The following NYAP2 variants were observed in gnomAD, a reference collection of about 807,000 sequenced individuals.
NYAP2 encodes the protein neuronal tyrosine-phosphorylated phosphoinositide-3-kinase adapter 2.
A neutral mutation model predicts 50.4 loss-of-function variants in NYAP2; 23 were observed. The ratio of observed to expected loss-of-function variants is 0.46; its 90% CI spans 0.33 to 0.65. The LOEUF is 0.65. NYAP2 is among the 30% of genes least tolerant of loss of function. The pLI, the probability that NYAP2 is intolerant of heterozygous loss-of-function variation, is 0.02. For synonymous variants in NYAP2, 394 were observed against 365.2 expected (o/e 1.08, Z -0.90); for missense variants, 885 against 861.0 (o/e 1.03, Z -0.35).
exon 1 of NYAP2, chr2:225,399,810 T>C (rs577869700): frequency 1.3e-5 from 2 of 152,198 alleles, no homozygotes; most frequent in East Asian, 3.9e-4. Context: ...TTTAAGTTGT[T>C]GTTCATTTTC....
intron 6 of NYAP2, among the ~76,000 whole-genome samples, chr2:225,647,561 G>A (rs1008309563): frequency 1.3e-5 from 2 of 152,008 alleles, no homozygotes; most frequent in Non-Finnish European, 2.9e-5. Context: ...GTAAGTAGGC[G>A]AGAGAGGCTT....
At chr2:225,472,031 C>T (rs928420317) in intron 3 of NYAP2, among the ~76,000 whole-genome samples, 15 of 152,128 alleles carry the variant, frequency 9.9e-5, no homozygotes, top group South Asian at 4.1e-4. Context: ...TACCATCCTT[C>T]GAGGGAGATA....
intron 3 of NYAP2, among the ~76,000 whole-genome samples, chr2:225,428,689 A>G (rs537871622): frequency 6.6e-6 from 1 of 152,268 alleles, no homozygotes; most frequent in South Asian, 2.1e-4. Flanking sequence ...TTTGGAAGAG[A>G]TTTCTGTGTA....
intron 4 of NYAP2, among the ~76,000 whole-genome samples, chr2:225,516,589 A>T (rs953785163): frequency 1.3e-5 from 2 of 152,118 alleles, no homozygotes; most frequent in African/African-American, 2.4e-5. Flanking sequence ...GCAAAAGCAG[A>T]TATATGCAAA....
intron 6 of NYAP2, among the ~76,000 whole-genome samples, chr2:225,630,664 T>A (rs1300404425): frequency 1.3e-5 from 2 of 152,208 alleles, no homozygotes; most frequent in Non-Finnish European, 2.9e-5. Flanking sequence ...CAGTAGATGG[T>A]GTCTGCCATG....
intron 3 of NYAP2, among the ~76,000 whole-genome samples, chr2:225,493,573 T>C (rs1897229): frequency 0.54 from 82,502 of 152,042 alleles, 24,390 homozygotes; most frequent in African/African-American, 0.79. Flanking sequence ...GTGTCTCTAC[T>C]ACTACTGCCT....
chr2:225,537,205 A>G (rs1691367477), intron 4 of NYAP2, among the ~76,000 whole-genome samples: 1 of 152,104 alleles, frequency 6.6e-6, no homozygotes, highest in African/African-American at 2.4e-5. Flanking sequence ...TTTAGCTCCC[A>G]CAAATAAGTG....
chr2:225,566,747 G>A (rs894369453), intron 4 of NYAP2, among the ~76,000 whole-genome samples: 3 of 152,154 alleles, frequency 2.0e-5, no homozygotes, highest in African/African-American at 7.2e-5. Flanking sequence ...AGAGAAAAAA[G>A]AGTTATCAAC....
At chr2:225,525,829 A>T (rs2106193937) in intron 4 of NYAP2, among the ~76,000 whole-genome samples, 1 of 152,296 alleles carries the variant, frequency 6.6e-6, no homozygotes, top group East Asian at 1.9e-4. Context: ...TGGTAGGCAG[A>T]ATTCTAAGAC....
In NYAP2 at chr2:225,582,396, C is replaced by T; in HGVS notation, c.979C>T (p.Pro327Ser). The change falls in exon 5 of 7, where the codon CCC becomes TCC. Residue 327 changes from proline to serine, a missense_variant. By Grantham distance (74) the Pro-to-Ser change is moderately conservative. Coordinates refer to ENST00000636099, the Ensembl canonical transcript of NYAP2. This position sits in a 1 kb window ranked among gnomAD's most constrained non-coding sequence, Gnocchi z 7.0. ...GCTTTGCGACATCCCTCCGCCCTTC[C>T]CCAACCTGCTTTCTCACAGACCCCC... 6.2e-7 allele frequency: 1 copy of T among 1,607,952 alleles called. No individual in the cohort carries two copies. Among genetic ancestry groups the T allele is most frequent in the Non-Finnish European group, 8.5e-7 (1 of 1,175,552 alleles).
At chr2:225,651,316 G>A in intron 6 of NYAP2, 116 bp from the exon 7 acceptor site, 3 of 1,364,840 alleles carry the variant, frequency 2.2e-6, no homozygotes, top group Non-Finnish European at 3.1e-6. Flanking sequence ...GCAAACATCA[G>A]GAGCATTTTG....
chr2:225,555,197 A>G (rs930284239), intron 4 of NYAP2, among the ~76,000 whole-genome samples: 3 of 152,168 alleles, frequency 2.0e-5, no homozygotes, highest in Non-Finnish European at 4.4e-5. Context: ...ATTTGGAAGG[A>G]GGTGTGAGCA....
At chr2:225,451,404 C>T (rs1689647784) in intron 3 of NYAP2, among the ~76,000 whole-genome samples, 1 of 151,880 alleles carries the variant, frequency 6.6e-6, no homozygotes, top group African/African-American at 2.4e-5. Flanking sequence ...CCTTTTTATA[C>T]AAAAAATAAT....
intron 3 of NYAP2, among the ~76,000 whole-genome samples, chr2:225,496,740 T>C (rs1203589463): frequency 6.6e-6 from 1 of 152,052 alleles, no homozygotes; most frequent in Non-Finnish European, 1.5e-5. Flanking sequence ...AGGAAGGTTT[T>C]ATTTTAATAG....
rs1425765399 is a variant in NYAP2, at chr2:225,512,801, T to C, written c.222-570T>C. Among the ~76,000 whole-genome samples the C allele has an allele frequency of 4.2e-4, 43 of 101,952 alleles. 1 individual carries two copies. Among genetic ancestry groups the C allele is most frequent in the African/African-American group, 2.5e-3 (42 of 17,136 alleles). 66.9% of individuals were successfully genotyped at this position (101,952 alleles called of 152,430 possible). On this transcript the variant is annotated intron_variant, in intron 3 of 6. Coordinates refer to ENST00000636099, the Ensembl canonical transcript of NYAP2. ...CTTTTTCCCTCTTTCCCTCCCTCCC[T>C]CTCTTTCTTTTCTTTCTTTCTCTCT...
At chr2:225,561,338 T>C (rs912794723) in intron 4 of NYAP2, among the ~76,000 whole-genome samples, 2 of 152,034 alleles carry the variant, frequency 1.3e-5, no homozygotes, top group East Asian at 1.9e-4. Context: ...GGTCTGAGAT[T>C]ACAGCATGCT....
At position 225,413,102 on chromosome 2, in the gene NYAP2, C is replaced by A. The variant is rs1695073434; in HGVS notation, c.221+4001C>A. On this transcript the variant is annotated intron_variant, in intron 3 of 6. Coordinates refer to ENST00000636099, the Ensembl canonical transcript of NYAP2. ...CCTTCCTTTCTTTCCTACTCTCCCT[C>A]CCCCAACATATTTTTCTAGAATTTT... is the stretch of plus-strand genomic sequence containing the variant. Among the ~76,000 whole-genome samples, 2 of 152,114 alleles carry A rather than the reference C, an allele frequency of 1.3e-5. 1 individual carries two copies. The highest frequency in any genetic ancestry group is 4.1e-4 in the South Asian group (2 of 4,822).
chr2:225,632,157 G>GT (rs1693330132), intron 6 of NYAP2, among the ~76,000 whole-genome samples: 1 of 152,170 alleles, frequency 6.6e-6, no homozygotes, highest in Non-Finnish European at 1.5e-5. Context: ...CAATGAGATG[G>GT]TCTCTGTCCA....
chr2:225,542,667 T>C (rs1363262093), intron 4 of NYAP2, among the ~76,000 whole-genome samples: 1 of 152,152 alleles, frequency 6.6e-6, no homozygotes, highest in African/African-American at 2.4e-5. Context: ...TTCAATTCAG[T>C]TTGCTAGTAT....
Sources: gnomAD v4.1 joint callset for allele counts (sites outside exome capture counted in the v4.1 genomes callset) on GRCh38, gnomAD v4.1.1 for gene constraint, Gnocchi (gnomAD v3.1) non-coding constraint, MANE v1.5 for transcripts, NCBI Gene and HGNC (gene_info 2026-07-23, HGNC 2026-07-21) for gene names.